CCDC63: variants seen among roughly 807,000 people sequenced by gnomAD.
The protein encoded by CCDC63 is coiled-coil domain-containing protein 63.
A neutral mutation model predicts 63.6 loss-of-function variants in CCDC63; 54 were observed. The observed-to-expected ratio is 0.85, with a 90% CI of 0.68 to 1.07. The LOEUF (loss-of-function observed/expected upper bound fraction) is 1.07. Ranked by LOEUF, CCDC63 falls within the 50% of genes least tolerant of loss-of-function variation. The pLI is 0.00. For missense variants in CCDC63, 637 were observed against 689.6 expected (o/e 0.92, Z 0.86); for synonymous variants, 253 against 266.1 (o/e 0.95, Z 0.48).
intron 8 of CCDC63, among the ~76,000 whole-genome samples, chr12:110,892,856 C>T (rs2071373896): frequency 6.6e-6 from 1 of 151,964 alleles, no homozygotes; most frequent in African/African-American, 2.4e-5. Flanking sequence ...TGACTCACCC[C>T]TCCCACCCCC....
At chr12:110,849,821 A>G (rs887689689) in intron 1 of CCDC63, among the ~76,000 whole-genome samples, 2 of 152,078 alleles carry the variant, frequency 1.3e-5, no homozygotes, top group African/African-American at 4.8e-5. Flanking sequence ...TTTTGTCCCA[A>G]AGGAATGGAA....
Position 110,907,392 on chromosome 12 carries a change from G to C in CCDC63, c.1608G>C (p.Lys536Asn). The C allele has an allele frequency of 1.1e-5, 17 of 1,614,150 alleles. No homozygotes were observed. The highest frequency in any genetic ancestry group is 1.7e-5 in the Admixed American group (1 of 60,016). Residue 536 changes from lysine (K) to asparagine (N), a missense_variant, in exon 12 of 12, where the codon AAG becomes AAC. Lys to Asn is a moderately conservative substitution (Grantham distance 94, BLOSUM62 0). Coordinates refer to ENST00000308208, the MANE Select transcript of CCDC63 (RefSeq NM_152591.3). This position sits in a 1 kb window ranked among gnomAD's most constrained non-coding sequence, Gnocchi z 4.4. ...RQLVLDNYIL[K>N]ENRSKEVRGD... ...TGGTTCTCGACAATTATATCCTGAA[G>C]GAGAATCGGAGTAAGGAAGTGCGCG...
intron 4 of CCDC63, among the ~76,000 whole-genome samples, chr12:110,860,803 G>A (rs954228397): frequency 2.0e-5 from 3 of 152,114 alleles, no homozygotes. Context: ...TGCCCAGGCT[G>A]GTCTCGAACT....
At position 110,859,986 on chromosome 12, in the gene CCDC63, C is replaced by T. The variant is rs1201030824; in HGVS notation, c.369+1211C>T. Among the ~76,000 whole-genome samples, 4 of 152,190 alleles carry T rather than the reference C, an allele frequency of 2.6e-5. No homozygotes were observed. In the East Asian group the frequency reaches 7.7e-4, roughly 29 times the overall value. ...CTCAGGGAGGCCTTTTCTGTGCCCC[C>T]TCTCCAGGTTATACCTCCCTGTGTC... On this transcript the variant is annotated intron_variant, in intron 4 of 11. Transcript: ENST00000308208.
upstream of CCDC63, among the ~76,000 whole-genome samples, chr12:110,844,645 C>A (rs901890336): frequency 5.9e-5 from 9 of 152,100 alleles, no homozygotes; most frequent in Admixed American, 4.6e-4. Context: ...ACTTAGATTC[C>A]CAGTCATTGG....
At chr12:110,905,890 A>AATAT (rs1555256902) in intron 11 of CCDC63, among the ~76,000 whole-genome samples, 4 of 11,432 alleles carry the variant, frequency 3.5e-4, no homozygotes, top group South Asian at 4.3e-3. Flanking sequence ...GTATATATAT[A>AATAT]ATATTATATA....
Position 110,853,456 on chromosome 12 carries a change from A to G in CCDC63, c.61A>G (p.Lys21Glu), listed in dbSNP as rs775984917. Residue 21 changes from lysine to glutamate, a missense_variant, in exon 3 of 12, where the codon AAG becomes GAG. Lys to Glu is a moderately conservative substitution (Grantham distance 56, BLOSUM62 1). Coordinates refer to ENST00000308208, the MANE Select transcript of CCDC63 (RefSeq NM_152591.3). ...DSDTPQEPSE[K>E]AKEQQAEAEL... ...CGACACTCCCCAGGAACCTTCGGAG[A>G]AGGCCAAAGAGCAGCAGGCGGAGGC... 1 of 1,614,102 alleles carries G rather than the reference A, an allele frequency of 6.2e-7. No individual in the cohort carries two copies. Among genetic ancestry groups the G allele is most frequent in the Non-Finnish European group, 8.5e-7 (1 of 1,180,006 alleles).
chr12:110,877,206 C>T (rs2071142007), intron 5 of CCDC63, among the ~76,000 whole-genome samples: 1 of 149,586 alleles, frequency 6.7e-6, no homozygotes, highest in Non-Finnish European at 1.5e-5. Context: ...ATCCCAAATA[C>T]AGTACAATTT....
In CCDC63 at chr12:110,884,242, C is replaced by T. The variant is rs761598144; in HGVS notation, c.1066C>T (p.Arg356Ter). The change falls in exon 8 of 12, where the codon CGA (arginine) becomes TGA (stop). Residue 356 changes from arginine to a stop codon, truncating the protein, a stop_gained. Transcript: ENST00000308208. LOFTEE classifies it high-confidence loss of function. Reference sequence around the variant, plus strand: ...GGAGATGATGCACAAGAGGACCCAACGAATCCAGGTCAGGGCGGCTCTGCT... The same window carrying T: ...GGAGATGATGCACAAGAGGACCCAATGAATCCAGGTCAGGGCGGCTCTGCT... The part of the protein sequence containing the change: ...DMEMMHKRTQ[R>*]IQDEIILLRS... 1.7e-5 allele frequency: 28 copies of T among 1,613,784 alleles called. No homozygotes were observed. Among genetic ancestry groups the T allele is most frequent in the South Asian group, 1.3e-4 (12 of 91,076 alleles).
chr12:110,876,774 C>A (rs1401463291), intron 5 of CCDC63, among the ~76,000 whole-genome samples: 2 of 151,276 alleles, frequency 1.3e-5, no homozygotes, highest in African/African-American at 4.9e-5. Context: ...TGGCTCACAT[C>A]TATAATCCAA....
intron 3 of CCDC63, among the ~76,000 whole-genome samples, chr12:110,857,514 C>G (rs1339701847): frequency 6.6e-6 from 1 of 152,184 alleles, no homozygotes; most frequent in Admixed American, 6.5e-5. Flanking sequence ...AGATTCTGAT[C>G]CAATTGGTCT....
rs2070809101 is a variant in CCDC63, at chr12:110,858,593, A to G, written c.187A>G (p.Ile63Val). The stretch of plus-strand genomic sequence containing the variant: ...GGGCTGCTTTTCCAACAGCAAGGAG[A>G]TCAAGACCCTGAAGACAGAGCAGGA... The part of the protein sequence containing the change: ...QQKIASQYKE[I>V]KTLKTEQDEI... Residue 63 changes from isoleucine to valine, a missense_variant, in exon 4 of 12, where the codon ATC becomes GTC. Ile to Val is a conservative substitution (Grantham distance 29). Transcript: ENST00000308208. 1.2e-6 allele frequency: 2 copies of G among 1,611,006 alleles called. No individual in the cohort carries two copies. Among genetic ancestry groups the G allele is most frequent in the Non-Finnish European group, 1.7e-6 (2 of 1,178,746 alleles).
chr12:110,904,510 G>A, intron 10 of CCDC63, 78 bp from the exon 11 acceptor site: 1 of 1,259,768 alleles, frequency 7.9e-7, no homozygotes, highest in Non-Finnish European at 1.2e-6. Flanking sequence ...CCCGCCCTCT[G>A]CAGTGGTGGC....
In CCDC63 at chr12:110,907,309, C is replaced by T. The variant is rs772040705; in HGVS notation, c.1547-22C>T. The T allele has an allele frequency of 3.7e-6, 6 of 1,609,584 alleles. No homozygotes were observed. The South Asian group carries it at 4.4e-5, about 12-fold the overall frequency. Reference sequence around the variant, plus strand: ...CTGGGGTTGATTTCCCAGCACCTCACACAAATCTGATCTTGGTGCAGTGGA... The same window carrying T: ...CTGGGGTTGATTTCCCAGCACCTCATACAAATCTGATCTTGGTGCAGTGGA... On this transcript the variant is annotated intron_variant, in intron 11 of 11. Transcript: ENST00000308208. The surrounding 1 kb of genome is among the most constrained non-coding windows in gnomAD (Gnocchi z 4.4).
chr12:110,863,133 A>AG (rs1383270148), intron 4 of CCDC63, among the ~76,000 whole-genome samples: 4 of 152,202 alleles, frequency 2.6e-5, no homozygotes, highest in African/African-American at 9.6e-5. Flanking sequence ...TTGGTGAGTT[A>AG]GTGAGGGTTT....
At chr12:110,869,557 A>G (rs2071036609) in intron 4 of CCDC63, among the ~76,000 whole-genome samples, 1 of 152,024 alleles carries the variant, frequency 6.6e-6, no homozygotes, top group South Asian at 2.1e-4. Context: ...AAATATTGAT[A>G]ATGAAGATAT....
chr12:110,897,456 G>C (rs1000193401), intron 9 of CCDC63, among the ~76,000 whole-genome samples: 5 of 151,612 alleles, frequency 3.3e-5, no homozygotes, highest in Admixed American at 6.6e-5. Flanking sequence ...AACTTAGCTG[G>C]GTGTGGTGTT....
chr12:110,858,496 C>T, intron 3 of CCDC63, 90 bp from the exon 4 acceptor site: 1 of 1,181,524 alleles, frequency 8.5e-7, no homozygotes, highest in Non-Finnish European at 1.2e-6. Flanking sequence ...TTCCTCTCTC[C>T]CGGTCTCCTT....
chr12:110,881,301 A>C lies in CCDC63; in HGVS notation c.853+5A>C. The C allele has an allele frequency of 6.2e-7, 1 of 1,611,428 alleles. No individual in the cohort carries two copies. The stretch of plus-strand genomic sequence containing the variant: ...AGCAGGCCAAAAGGGAGGAAGGTAC[A>C]CCCTCCAGGAGCAAGCTTGTGCTCT... On this transcript the variant is annotated splice_donor_5th_base_variant and intron_variant, in intron 7 of 11. Transcript: ENST00000308208.
Sources: gnomAD v4.1 joint callset for allele counts (sites outside exome capture counted in the v4.1 genomes callset) on GRCh38, gnomAD v4.1.1 for gene constraint, Gnocchi (gnomAD v3.1) non-coding constraint, MANE v1.5 for transcripts, NCBI Gene and HGNC (gene_info 2026-07-23, HGNC 2026-07-21) for gene names.